Variants in ATG7 observed in about 807,000 individuals in gnomAD.
ATG7 encodes ubiquitin-like modifier-activating enzyme ATG7.
Under a neutral mutation model 82.4 loss-of-function variants are expected in ATG7, and 70 were observed. That is an observed-to-expected ratio of 0.85 (90% CI 0.70 to 1.04). ATG7 has a LOEUF of 1.04. Ranked by LOEUF, ATG7 falls within the 50% of genes least tolerant of loss-of-function variation. The pLI, the probability that ATG7 is intolerant of heterozygous loss-of-function variation, is 0.00. For synonymous variants in ATG7, 287 were observed against 313.0 expected (o/e 0.92, Z 0.88); for missense variants, 792 against 864.3 (o/e 0.92, Z 1.05).
At chr3:11,475,907 A>ACACACAC (rs766157655) in intron 20 of ATG7, among the ~76,000 whole-genome samples, 3 of 146,252 alleles carry the variant, frequency 2.1e-5, no homozygotes, top group Non-Finnish European at 1.5e-5. Flanking sequence ...ACACACACAC[A>ACACACAC]CCCCCTCCCA....
intron 15 of ATG7, 134 bp from the exon 16 acceptor site, chr3:11,360,447 T>A: frequency 1.2e-6 from 1 of 850,690 alleles, no homozygotes; most frequent in Non-Finnish European, 1.8e-6. Flanking sequence ...GATTTTATCA[T>A]CATTAGCTTT....
At chr3:11,547,679 C>A (rs1216869373) in intron 20 of ATG7, among the ~76,000 whole-genome samples, 1 of 152,206 alleles carries the variant, frequency 6.6e-6, no homozygotes, top group African/African-American at 2.4e-5. Context: ...CTTGTCAACA[C>A]TTACTATGAT....
intron 20 of ATG7, among the ~76,000 whole-genome samples, chr3:11,471,745 CTTTT>C (rs200590021): frequency 7.3e-4 from 77 of 105,696 alleles, no homozygotes; most frequent in East Asian, 2.4e-3. Flanking sequence ...TTTTAGATTT[CTTTT>C]TTTTTTTTTT....
At chr3:11,511,644 G>C (rs2092063352) in intron 20 of ATG7, among the ~76,000 whole-genome samples, 1 of 152,204 alleles carries the variant, frequency 6.6e-6, no homozygotes, top group South Asian at 2.1e-4. Flanking sequence ...CCGTGAGCAG[G>C]GGGTGGTGCT....
chr3:11,519,492 TTC>T (rs2092374870), intron 20 of ATG7, among the ~76,000 whole-genome samples: 2 of 150,856 alleles, frequency 1.3e-5, no homozygotes, highest in African/African-American at 4.9e-5. Flanking sequence ...CTGTCTTGCT[TTC>T]ATCATATTAT....
At chr3:11,301,840 C>T (rs1022856403) in intron 5 of ATG7, among the ~76,000 whole-genome samples, 1 of 152,154 alleles carries the variant, frequency 6.6e-6, no homozygotes, top group African/African-American at 2.4e-5. Context: ...CCTTATCCTT[C>T]TACTGGACTG....
At chr3:11,573,160 C>T in the ATG7 span, among the ~76,000 whole-genome samples, 8 of 149,212 alleles carry the variant, frequency 5.4e-5, no homozygotes, top group East Asian at 1.4e-3. Flanking sequence ...GGCAAGACTC[C>T]GTCTCAAGAA....
chr3:11,373,542 A>G (rs2077182194), intron 18 of ATG7, among the ~76,000 whole-genome samples: 1 of 152,176 alleles, frequency 6.6e-6, no homozygotes, highest in African/African-American at 2.4e-5. Flanking sequence ...ATCAAGTTCC[A>G]GGGGCTTCTT....
At chr3:11,367,790 A>G (rs1200864720) in intron 18 of ATG7, among the ~76,000 whole-genome samples, 1 of 150,472 alleles carries the variant, frequency 6.6e-6, no homozygotes, top group Non-Finnish European at 1.5e-5. Flanking sequence ...CTCTGGCCCA[A>G]TGTACGTGGA....
chr3:11,282,684 GC>G (rs1180348447), intron 3 of ATG7, among the ~76,000 whole-genome samples: 1 of 152,214 alleles, frequency 6.6e-6, no homozygotes, highest in East Asian at 1.9e-4. Context: ...TTCCGGTAGA[GC>G]CTACTCTTTC....
At chr3:11,576,314 G>A in the ATG7 span, among the ~76,000 whole-genome samples, 2,879 of 152,318 alleles carry the variant, frequency 0.019, 91 homozygotes, top group African/African-American at 0.065. Context: ...GAATGGAGAT[G>A]TTGCTGAGAT....
chr3:11,572,398 C>T, the ATG7 span, among the ~76,000 whole-genome samples: 1 of 152,154 alleles, frequency 6.6e-6, no homozygotes, highest in Admixed American at 6.5e-5. Context: ...TACAAAGACT[C>T]GTGTACCTAC....
chr3:11,411,619 C>CAAAAGA (rs2080906140), intron 19 of ATG7, among the ~76,000 whole-genome samples: 1 of 71,766 alleles, frequency 1.4e-5, no homozygotes, highest in Non-Finnish European at 2.9e-5. Context: ...ACTCTGTCTC[C>CAAAAGA]AAAAAAAAAA....
At chr3:11,494,901 G>A (rs149217737) in intron 20 of ATG7, among the ~76,000 whole-genome samples, 12 of 152,152 alleles carry the variant, frequency 7.9e-5, no homozygotes, top group African/African-American at 2.7e-4. Flanking sequence ...GTGAAACCCC[G>A]TCTGTACTAA....
At chr3:11,390,241 A>G (rs1441516709) in intron 19 of ATG7, among the ~76,000 whole-genome samples, 1 of 152,240 alleles carries the variant, frequency 6.6e-6, no homozygotes, top group Admixed American at 6.5e-5. Flanking sequence ...CTGATAAGGA[A>G]GATTGATTTT....
chr3:11,324,282 C>T (rs530318350), intron 9 of ATG7, among the ~76,000 whole-genome samples: 1 of 152,172 alleles, frequency 6.6e-6, no homozygotes, highest in East Asian at 1.9e-4. Flanking sequence ...TCTGTTTAAC[C>T]GTAGTATAAG....
chr3:11,401,359 AAAT>A (rs775512027), intron 19 of ATG7, among the ~76,000 whole-genome samples: 25 of 152,228 alleles, frequency 1.6e-4, no homozygotes, highest in Admixed American at 6.5e-4. Context: ...AGTATCCTTC[AAAT>A]AATATCTTTG....
chr3:11,303,898 C>T (rs1947247822), intron 5 of ATG7, among the ~76,000 whole-genome samples: 1 of 145,460 alleles, frequency 6.9e-6, no homozygotes, highest in East Asian at 2.0e-4. Flanking sequence ...ACGGTGAAAC[C>T]CCGTCTCTAC....
At chr3:11,399,313 A>T (rs2079588885) in intron 19 of ATG7, among the ~76,000 whole-genome samples, 1 of 152,168 alleles carries the variant, frequency 6.6e-6, no homozygotes, top group Non-Finnish European at 1.5e-5. Flanking sequence ...GTGCCACTCT[A>T]CTCCAGCCTG....
Sources: gnomAD v4.1 joint callset for allele counts (sites outside exome capture counted in the v4.1 genomes callset) on GRCh38, gnomAD v4.1.1 for gene constraint, MANE v1.5 for transcripts, NCBI Gene and HGNC (gene_info 2026-07-23, HGNC 2026-07-21) for gene names.